Variants in ARFGEF1 observed in about 807,000 individuals in gnomAD.
ARFGEF1 encodes ARF guanine nucleotide exchange factor 1.
Under a neutral mutation model 231.0 loss-of-function variants are expected in ARFGEF1, and 42 were observed. The ratio of observed to expected loss-of-function variants is 0.18; its 90% CI spans 0.14 to 0.24. The LOEUF is 0.24. Among genes scored for constraint, ARFGEF1 ranks in the 10% least tolerant of loss-of-function variants. ARFGEF1 has a pLI of 1.00. For synonymous variants in ARFGEF1, 710 were observed against 732.3 expected (o/e 0.97, Z 0.49); for missense variants, 1,345 against 2,192.0 (o/e 0.61, Z 7.72).
chr8:67,217,973 C>T, intron 31 of ARFGEF1, 30 bp downstream of exon 31: 2 of 1,611,988 alleles, frequency 1.2e-6, no homozygotes, highest in South Asian at 1.1e-5. Context: ...ACATTTAACA[C>T]TTTGTGTCAC....
intron 19 of ARFGEF1, 148 bp downstream of exon 19, chr8:67,251,151 G>T: frequency 2.9e-6 from 2 of 698,518 alleles, no homozygotes; most frequent in Non-Finnish European, 4.1e-6. Flanking sequence ...TATCTACTAT[G>T]TCCTAAATAA....
chr8:67,266,557 C>T (rs893005807), intron 13 of ARFGEF1, among the ~76,000 whole-genome samples: 1 of 152,138 alleles, frequency 6.6e-6, no homozygotes, highest in African/African-American at 2.4e-5. Flanking sequence ...ACATCAAACA[C>T]AGATGAACAA....
intron 10 of ARFGEF1, among the ~76,000 whole-genome samples, chr8:67,271,338 T>C (rs948439407): frequency 1.3e-5 from 2 of 152,200 alleles, no homozygotes; most frequent in African/African-American, 4.8e-5. Context: ...ATAATGGAGA[T>C]GCAATATATA....
chr8:67,302,628 A>T (rs1806543683), intron 1 of ARFGEF1, among the ~76,000 whole-genome samples, 162 bp from the exon 2 acceptor site: 1 of 152,198 alleles, frequency 6.6e-6, no homozygotes, highest in Non-Finnish European at 1.5e-5. Flanking sequence ...TAAATTTTTT[A>T]ATTTACACAA....
intron 8 of ARFGEF1, among the ~76,000 whole-genome samples, 196 bp from the exon 9 acceptor site, chr8:67,276,305 A>G (rs1339670042): frequency 6.6e-6 from 1 of 152,128 alleles, no homozygotes; most frequent in Non-Finnish European, 1.5e-5. Context: ...AAATACCTTT[A>G]AAAATGCACT....
chr8:67,185,104 C>CA (rs562540567), intron 5 of ARFGEF1, among the ~76,000 whole-genome samples: 15,900 of 121,684 alleles, frequency 0.13, 1,213 homozygotes, highest in African/African-American at 0.24. Flanking sequence ...GACTCCGTCT[C>CA]AAAAAAAAAA....
intron 1 of ARFGEF1, among the ~76,000 whole-genome samples, chr8:67,322,715 A>G (rs1198367868): frequency 1.3e-5 from 2 of 152,166 alleles, no homozygotes; most frequent in Non-Finnish European, 2.9e-5. Context: ...AAAAACAAAA[A>G]CAAAAGCCTG....
At chr8:67,228,513 T>C (rs1839452625) in intron 23 of ARFGEF1, among the ~76,000 whole-genome samples, 1 of 152,028 alleles carries the variant, frequency 6.6e-6, no homozygotes, top group South Asian at 2.1e-4. Context: ...TATATACTGC[T>C]GTAATTTTAT....
rs1409556340 is a variant in ARFGEF1 at position 67,292,091 on chromosome 8, C to T, written c.672G>A (p.Arg224=). The T allele has an allele frequency of 1.2e-6, 2 of 1,613,046 alleles. No individual in the cohort carries two copies. Among genetic ancestry groups the T allele is most frequent in the South Asian group, 1.1e-5 (1 of 90,762 alleles). The change falls in exon 6 of 39, where the codon AGG becomes AGA. Residue 224 remains arginine (R), a synonymous_variant. Transcript: ENST00000262215. ...GTAACAGATGATGATGCTGCCGATG[C>T]CTTTCTTTTTCCATTTGTTTTGCTT... The part of the protein sequence containing the change: ...LQEAKQMEKE[R]HRQHHHLLQS...
intron 1 of ARFGEF1, among the ~76,000 whole-genome samples, chr8:67,333,193 G>A (rs1347643863): frequency 1.3e-5 from 2 of 151,716 alleles, no homozygotes; most frequent in Non-Finnish European, 2.9e-5. Flanking sequence ...CACCACCACA[G>A]CCAGCTAATT....
chr8:67,196,471 A>C (rs1308996672), downstream of ARFGEF1, among the ~76,000 whole-genome samples: 1 of 152,128 alleles, frequency 6.6e-6, no homozygotes, highest in Non-Finnish European at 1.5e-5. Context: ...TGACATTCTG[A>C]CTCAGATTAG....
intron 19 of ARFGEF1, among the ~76,000 whole-genome samples, chr8:67,241,151 C>G (rs1839914747): frequency 6.6e-6 from 1 of 152,032 alleles, no homozygotes; most frequent in South Asian, 2.1e-4. Context: ...AAACAATTAC[C>G]CAGAGCTTTG....
chr8:67,273,331 C>T (rs1429970408), intron 9 of ARFGEF1, among the ~76,000 whole-genome samples: 3 of 148,438 alleles, frequency 2.0e-5, no homozygotes, highest in African/African-American at 7.5e-5. Context: ...ATCTCTTAAG[C>T]CCAACAGACC....
intron 14 of ARFGEF1, 68 bp from the exon 15 acceptor site, chr8:67,259,994 C>T: frequency 9.2e-7 from 1 of 1,082,014 alleles, no homozygotes; most frequent in Non-Finnish European, 1.3e-6. Flanking sequence ...GATCTTAAAC[C>T]ACAGTAAATT....
At chr8:67,223,839 G>C (rs1369027686) in intron 29 of ARFGEF1, among the ~76,000 whole-genome samples, 1 of 152,170 alleles carries the variant, frequency 6.6e-6, no homozygotes, top group South Asian at 2.1e-4. Context: ...GCTGAAATGG[G>C]GCTATCTTGA....
intron 34 of ARFGEF1, among the ~76,000 whole-genome samples, chr8:67,206,375 A>C (rs1838518144): frequency 6.7e-6 from 1 of 148,446 alleles, no homozygotes; most frequent in Non-Finnish European, 1.5e-5. Flanking sequence ...ACACCACTGC[A>C]CTCCAGCCTG....
chr8:67,234,549 T>A (rs976655677), intron 22 of ARFGEF1, among the ~76,000 whole-genome samples: 3 of 152,068 alleles, frequency 2.0e-5, no homozygotes, highest in African/African-American at 7.2e-5. Context: ...TGTTTTCACA[T>A]ACTTGGTAGT....
chr8:67,213,730 G>A (rs1230568958), intron 33 of ARFGEF1, among the ~76,000 whole-genome samples: 1 of 152,182 alleles, frequency 6.6e-6, no homozygotes, highest in African/African-American at 2.4e-5. Flanking sequence ...TATCCAATCA[G>A]TTGAAAGCCT....
At chr8:67,200,138 A>T (rs1483756659) in intron 38 of ARFGEF1, 1 of 470,438 alleles carries the variant, frequency 2.1e-6, no homozygotes, top group Non-Finnish European at 4.1e-6. Flanking sequence ...TTGTCAAGGT[A>T]TCCCAAGGGA....
Sources: gnomAD v4.1 joint callset for allele counts (sites outside exome capture counted in the v4.1 genomes callset) on GRCh38, gnomAD v4.1.1 for gene constraint, MANE v1.5 for transcripts, NCBI Gene and HGNC (gene_info 2026-07-23, HGNC 2026-07-21) for gene names.